Variants in GBE1 observed in about 807,000 individuals in gnomAD.
GBE1 encodes 1,4-alpha-glucan branching enzyme 1.
Under a neutral mutation model 88.8 loss-of-function variants are expected in GBE1, and 70 were observed. That is an observed-to-expected ratio of 0.79 (90% CI 0.65 to 0.96). The LOEUF is 0.96. GBE1 is among the 40% of genes least tolerant of loss of function. The pLI is 0.00. For synonymous variants in GBE1, 284 were observed against 300.1 expected (o/e 0.95, Z 0.56); for missense variants, 872 against 871.0 (o/e 1.00, Z -0.01).
chr3:81,579,826 G>C (rs185476241), intron 11 of GBE1, among the ~76,000 whole-genome samples: 1 of 152,074 alleles, frequency 6.6e-6, no homozygotes, highest in Non-Finnish European at 1.5e-5. Context: ...TTTAACATGA[G>C]TTTACTTCAG....
chr3:81,656,910 A>T (rs1160830204), intron 3 of GBE1, among the ~76,000 whole-genome samples: 1 of 152,052 alleles, frequency 6.6e-6, no homozygotes, highest in African/African-American at 2.4e-5. Context: ...AATCAAAGCA[A>T]TTTGGGAGGT....
chr3:81,538,826 T>C (rs549060278), intron 12 of GBE1, among the ~76,000 whole-genome samples: 2 of 152,104 alleles, frequency 1.3e-5, no homozygotes, highest in East Asian at 1.9e-4. Flanking sequence ...GTAGCGATAG[T>C]ATATTAGCCT....
At chr3:81,502,110 CAT>C (rs951777486) in intron 14 of GBE1, among the ~76,000 whole-genome samples, 7 of 151,008 alleles carry the variant, frequency 4.6e-5, no homozygotes, top group Non-Finnish European at 8.8e-5. Context: ...AAATAAAAAT[CAT>C]GTGTCCATCA....
chr3:81,629,464 A>C (rs1249539715), intron 7 of GBE1, among the ~76,000 whole-genome samples: 2 of 152,066 alleles, frequency 1.3e-5, no homozygotes, highest in Non-Finnish European at 2.9e-5. Flanking sequence ...AGTACTTTTC[A>C]TAAAACATAC....
At chr3:81,575,164 C>CAAAAAAAAAAAAAA (rs760005850) in intron 12 of GBE1, among the ~76,000 whole-genome samples, 1 of 85,952 alleles carries the variant, frequency 1.2e-5, no homozygotes, top group Admixed American at 1.3e-4. Flanking sequence ...GACTCCATCT[C>CAAAAAAAAAAAAAA]AAAAAAAAAA....
At chr3:81,726,819 A>G (rs1706118850) in intron 1 of GBE1, among the ~76,000 whole-genome samples, 1 of 152,076 alleles carries the variant, frequency 6.6e-6, no homozygotes, top group African/African-American at 2.4e-5. Flanking sequence ...TGACCTCGTG[A>G]TCTGCCCTCC....
chr3:81,562,402 T>G (rs1013776237), intron 12 of GBE1, among the ~76,000 whole-genome samples: 1 of 152,068 alleles, frequency 6.6e-6, no homozygotes, highest in African/African-American at 2.4e-5. Context: ...CATTCATTTT[T>G]GGGCAAAATA....
chr3:81,624,042 G>C (rs1704369038), intron 7 of GBE1, among the ~76,000 whole-genome samples: 2 of 152,228 alleles, frequency 1.3e-5, no homozygotes, highest in Non-Finnish European at 2.9e-5. Flanking sequence ...CCAAGGCTAG[G>C]TAATTTATAA....
At chr3:81,737,428 T>C (rs1353501261) in intron 1 of GBE1, among the ~76,000 whole-genome samples, 1 of 141,242 alleles carries the variant, frequency 7.1e-6, no homozygotes. Context: ...TAAATATATA[T>C]ATTCATTTAC....
At chr3:81,604,110 A>G (rs1317325339) in intron 7 of GBE1, among the ~76,000 whole-genome samples, 3 of 152,128 alleles carry the variant, frequency 2.0e-5, no homozygotes, top group Non-Finnish European at 4.4e-5. Flanking sequence ...AAACTGGTTC[A>G]TGCAAGTAAG....
intron 7 of GBE1, among the ~76,000 whole-genome samples, chr3:81,601,192 T>C (rs1704028438): frequency 6.6e-6 from 1 of 152,154 alleles, no homozygotes; most frequent in African/African-American, 2.4e-5. Context: ...AAGTGTCTAC[T>C]AGCTTCCAGA....
At chr3:81,539,407 C>T (rs569230793) in intron 12 of GBE1, among the ~76,000 whole-genome samples, 1 of 151,774 alleles carries the variant, frequency 6.6e-6, no homozygotes, top group Non-Finnish European at 1.5e-5. Flanking sequence ...TAGGATGAAC[C>T]GTATACATTT....
rs117878930 is a variant in GBE1 at position 81,561,560 on chromosome 3, C to T, written c.1618+16365G>A. 2.6e-5 allele frequency among the ~76,000 whole-genome samples: 4 copies of T among 152,086 alleles called. No individual in the cohort carries two copies. In the East Asian group the frequency reaches 5.8e-4, roughly 22 times the overall value. On this transcript the variant is annotated intron_variant, in intron 12 of 15. Coordinates refer to ENST00000429644, the MANE Select transcript of GBE1 (RefSeq NM_000158.4). ...GCGGTATATAAAATTTACTGACTGA[C>T]ATGACAAGTGTGGAAAGAATTTAGA...
At chr3:81,543,789 AATTG>A (rs2106881830) in intron 12 of GBE1, among the ~76,000 whole-genome samples, 1 of 152,204 alleles carries the variant, frequency 6.6e-6, no homozygotes, top group South Asian at 2.1e-4. Context: ...CAAATAATAT[AATTG>A]ATTTATTTTA....
At position 81,632,098 on chromosome 3, in the gene GBE1, G is replaced by A. The variant is rs528305766; in HGVS notation, c.992+10683C>T. Among the ~76,000 whole-genome samples, 45 of 152,202 alleles carry A rather than the reference G, an allele frequency of 3.0e-4. No homozygotes were observed. The East Asian group carries it at 7.9e-3, about 27-fold the overall frequency. ...CCTGTGTTAGTTTGCTGAGAATGAC[G>A]GTTTCCAGCTTCATCCATGCCCCTG... On this transcript the variant is annotated intron_variant, in intron 7 of 15. Transcript: ENST00000429644.
chr3:81,702,967 G>C (rs766673953), intron 2 of GBE1, among the ~76,000 whole-genome samples: 3 of 151,758 alleles, frequency 2.0e-5, no homozygotes, highest in Admixed American at 6.6e-5. Context: ...TATGTTTATA[G>C]AAACTATTAA....
At chr3:81,757,417 T>C (rs1706617574) in intron 1 of GBE1, among the ~76,000 whole-genome samples, 1 of 152,194 alleles carries the variant, frequency 6.6e-6, no homozygotes, top group African/African-American at 2.4e-5. Flanking sequence ...ACTTACTCTG[T>C]TTGGAATGAA....
chr3:81,622,600 C>T (rs184243777), intron 7 of GBE1, among the ~76,000 whole-genome samples: 1 of 152,258 alleles, frequency 6.6e-6, no homozygotes, highest in Admixed American at 6.5e-5. Flanking sequence ...TTTTTAAGTG[C>T]CTACTCAATA....
intron 3 of GBE1, among the ~76,000 whole-genome samples, chr3:81,653,034 A>G (rs372235691): frequency 6.6e-6 from 1 of 152,216 alleles, no homozygotes; most frequent in East Asian, 1.9e-4. Context: ...TCTTTCAACA[A>G]TAAGTCTGGT....
Sources: gnomAD v4.1 joint callset for allele counts (sites outside exome capture counted in the v4.1 genomes callset) on GRCh38, gnomAD v4.1.1 for gene constraint, MANE v1.5 for transcripts, NCBI Gene and HGNC (gene_info 2026-07-23, HGNC 2026-07-21) for gene names.